The following OLFM3 variants were observed in gnomAD, a reference collection of about 807,000 sequenced individuals.
OLFM3 encodes the protein noelin-3.
In OLFM3, 20 loss-of-function variants were observed where a neutral mutation model predicts 48.6. The ratio of observed to expected loss-of-function variants is 0.41; its 90% CI spans 0.29 to 0.60. The LOEUF (loss-of-function observed/expected upper bound fraction) is 0.60. Ranked by LOEUF, OLFM3 falls within the 20% of genes least tolerant of loss-of-function variation. OLFM3 has a pLI of 0.28. For synonymous variants in OLFM3, 222 were observed against 198.1 expected (o/e 1.12, Z -1.01); for missense variants, 437 against 544.3 (o/e 0.80, Z 1.96).
At chr1:101,850,329 GA>G (rs1656175192) in intron 1 of OLFM3, among the ~76,000 whole-genome samples, 1 of 151,996 alleles carries the variant, frequency 6.6e-6, no homozygotes, top group Non-Finnish European at 1.5e-5. Context: ...TTATTCATTA[GA>G]TTTTTTATAG....
intron 1 of OLFM3, among the ~76,000 whole-genome samples, chr1:101,914,639 T>A (rs1658865477): frequency 6.6e-6 from 1 of 152,186 alleles, no homozygotes; most frequent in South Asian, 2.1e-4. Flanking sequence ...TGCTGGAAAT[T>A]GTTCAAGAGT....
chr1:101,820,182 T>C (rs1654541288), intron 4 of OLFM3, among the ~76,000 whole-genome samples: 1 of 152,116 alleles, frequency 6.6e-6, no homozygotes, highest in East Asian at 1.9e-4. Context: ...AGACAGTAAC[T>C]CAAGTCTCTA....
intron 1 of OLFM3, among the ~76,000 whole-genome samples, chr1:101,947,279 G>GA (rs1356369046): frequency 1.3e-5 from 2 of 152,126 alleles, no homozygotes; most frequent in Admixed American, 6.6e-5. Flanking sequence ...TTTACCAGGA[G>GA]AAAATCAACT....
At chr1:101,808,266 A>G (rs184262409) in intron 4 of OLFM3, among the ~76,000 whole-genome samples, 34 of 151,950 alleles carry the variant, frequency 2.2e-4, no homozygotes, top group African/African-American at 7.5e-4. Context: ...ATGAGGGGAA[A>G]AAAACAAAAG....
chr1:101,960,420 G>A (rs1213702347), intron 1 of OLFM3, among the ~76,000 whole-genome samples: 1 of 152,144 alleles, frequency 6.6e-6, no homozygotes, highest in Non-Finnish European at 1.5e-5. Flanking sequence ...TCTAGGTCAA[G>A]GGCTCATTAT....
intron 1 of OLFM3, among the ~76,000 whole-genome samples, chr1:101,847,897 C>G (rs1209418394): frequency 1.3e-5 from 2 of 152,060 alleles, no homozygotes; most frequent in Non-Finnish European, 2.9e-5. Flanking sequence ...AGTATTTGTT[C>G]TCCTCTAGTT....
intron 1 of OLFM3, among the ~76,000 whole-genome samples, chr1:101,843,971 AAGTGAGAACATGG>A (rs1337705553): frequency 1.3e-5 from 2 of 152,144 alleles, no homozygotes; most frequent in African/African-American, 4.8e-5. Flanking sequence ...ATACTGTTTA[AAGTGAGAACATGG>A]AGTGAGAACA....
intron 2 of OLFM3, among the ~76,000 whole-genome samples, chr1:101,835,830 A>T (rs777055773): frequency 1.4e-4 from 22 of 152,182 alleles, no homozygotes; most frequent in Admixed American, 3.9e-4. Context: ...CACATGAAAA[A>T]ATCCTAAAAT....
rs544329215 is a variant in OLFM3, at chr1:101,803,676, C to T, written c.*562G>A. Reference sequence around the variant, plus strand: ...TTACAATGGTAGAAATACATACTGCCAATAAAATGTTAGCAAGAGATTTAA... The same window carrying T: ...TTACAATGGTAGAAATACATACTGCTAATAAAATGTTAGCAAGAGATTTAA... On this transcript the variant is annotated 3_prime_UTR_variant, in exon 6 of 6. Transcript: ENST00000370103. 1 of 152,216 alleles carries T rather than the reference C, an allele frequency of 6.6e-6. No individual in the cohort carries two copies. The highest frequency in any genetic ancestry group is 1.9e-4 in the East Asian group (1 of 5,138). 9.4% of individuals were successfully genotyped at this position (152,216 alleles called of 1,614,324 possible).
intron 1 of OLFM3, among the ~76,000 whole-genome samples, chr1:101,928,698 A>C (rs1659352887): frequency 6.6e-6 from 1 of 152,200 alleles, no homozygotes; most frequent in African/African-American, 2.4e-5. Flanking sequence ...TAGATGCAGC[A>C]GCAACTACTA....
intron 1 of OLFM3, among the ~76,000 whole-genome samples, chr1:101,885,990 CAAAG>C (rs1657741766): frequency 6.6e-6 from 1 of 151,986 alleles, no homozygotes; most frequent in South Asian, 2.1e-4. Context: ...ATATTAGTGA[CAAAG>C]GAAGAAGTGT....
At chr1:101,966,419 T>A (rs1317822855) in intron 1 of OLFM3, among the ~76,000 whole-genome samples, 1 of 151,768 alleles carries the variant, frequency 6.6e-6, no homozygotes, top group Non-Finnish European at 1.5e-5. Context: ...GAGAGCCACT[T>A]GCCTTGGCCT....
chr1:101,912,559 C>G (rs1445227016), intron 1 of OLFM3, among the ~76,000 whole-genome samples: 1 of 152,170 alleles, frequency 6.6e-6, no homozygotes, highest in African/African-American at 2.4e-5. Flanking sequence ...GAGGTTTGAA[C>G]TACACTTATT....
In OLFM3 at chr1:101,836,895, C is replaced by T. The variant is rs748816968; in HGVS notation, c.200G>A (p.Arg67His). Residue 67 changes from arginine (R) to histidine (H), a missense_variant, in exon 2 of 6, where the codon CGC becomes CAC. Arg to His is a conservative substitution (Grantham distance 29, BLOSUM62 0). Coordinates refer to ENST00000370103, the MANE Select transcript of OLFM3 (RefSeq NM_058170.4). ...CSRDAKSRQL[R>H]QLLEKVQNMS... is the part of the protein sequence containing the mutation. ...GACACCTACCTTTTCCAGTAGTTGG[C>T]GAAGTTGCCTGCTTTTGGCATCCCG... 51 of 1,613,910 alleles carry T rather than the reference C, an allele frequency of 3.2e-5. No homozygotes were observed. Among genetic ancestry groups the T allele is most frequent in the East Asian group, 2.9e-4 (13 of 44,888 alleles).
chr1:101,874,745 G>A lies in OLFM3; in HGVS notation c.70-37720C>T, dbSNP rs1166064134. ...TCTCAAGTGTTAGATCTGTTGTTCT[G>A]TGTTGTGATACTGTTTGAGGTATTG... is the stretch of plus-strand genomic sequence containing the variant. On this transcript the variant is annotated intron_variant, in intron 1 of 5. Transcript: ENST00000370103. Among the ~76,000 whole-genome samples the A allele has an allele frequency of 2.6e-5, 4 of 151,908 alleles. 1 individual carries two copies. In the East Asian group the frequency reaches 7.7e-4, roughly 29 times the overall value.
At chr1:101,980,384 G>A (rs557987856) in intron 1 of OLFM3, among the ~76,000 whole-genome samples, 41 of 152,224 alleles carry the variant, frequency 2.7e-4, no homozygotes, top group African/African-American at 9.4e-4. Flanking sequence ...TGTCAAGGGT[G>A]GGACAAAGTG....
intron 1 of OLFM3, among the ~76,000 whole-genome samples, chr1:101,928,945 A>G (rs1286803907): frequency 6.6e-6 from 1 of 152,068 alleles, no homozygotes; most frequent in East Asian, 1.9e-4. Flanking sequence ...CAACTTTCCT[A>G]TAATCCATTG....
At chr1:101,886,392 G>C (rs1657761783) in intron 1 of OLFM3, among the ~76,000 whole-genome samples, 1 of 152,050 alleles carries the variant, frequency 6.6e-6, no homozygotes, top group African/African-American at 2.4e-5. Context: ...TAAAAGTCTT[G>C]GGAAGGGAGG....
At chr1:101,976,120 C>T (rs1323529823) in intron 1 of OLFM3, among the ~76,000 whole-genome samples, 1 of 152,146 alleles carries the variant, frequency 6.6e-6, no homozygotes, top group Non-Finnish European at 1.5e-5. Flanking sequence ...CAAAACGATA[C>T]AGTCAATTTG....
Sources: allele counts gnomAD v4.1 joint callset (sites outside exome capture counted in the v4.1 genomes callset), GRCh38; gene constraint gnomAD v4.1.1; transcripts MANE v1.5; gene names NCBI Gene and HGNC (gene_info 2026-07-23, HGNC 2026-07-21).